LAG3: variants seen among roughly 807,000 people sequenced by gnomAD.
LAG3 encodes lymphocyte activation gene 3 protein.
A neutral mutation model predicts 49.0 loss-of-function variants in LAG3; 29 were observed. The observed-to-expected ratio is 0.59, with a 90% CI of 0.44 to 0.81. LAG3 has a LOEUF of 0.81. Ranked by LOEUF, LAG3 falls within the 30% of genes least tolerant of loss-of-function variation. The pLI is 0.00. For missense variants in LAG3, 693 were observed against 695.2 expected, an observed-to-expected ratio of 1.00 and a Z score of 0.04; for synonymous variants, 320 against 297.3, an observed-to-expected ratio of 1.08 and a Z score of -0.79.
In LAG3 at chr12:6,773,149, C is replaced by T. The variant is rs1321883113; in HGVS notation, c.59-43C>T. 11 of 1,572,364 alleles carry T rather than the reference C, an allele frequency of 7.0e-6. No individual in the cohort carries two copies. Among genetic ancestry groups the T allele is most frequent in the South Asian group, 2.3e-5 (2 of 85,462 alleles). ...AGGCTCCTTCTCTACCCCTGCCTCT[C>T]GGCTCACGCCCCCTCCCCTTGGCCT... On this transcript the variant is annotated intron_variant, in intron 1 of 7. Coordinates refer to ENST00000203629, the MANE Select transcript of LAG3 (RefSeq NM_002286.6). The surrounding 1 kb of genome is among the most constrained non-coding windows in gnomAD (Gnocchi z 5.5).
intron 4 of LAG3, 135 bp downstream of exon 4, chr12:6,774,999 G>A (rs565618870): frequency 3.7e-5 from 35 of 952,108 alleles, no homozygotes; most frequent in Middle Eastern, 2.9e-4. Flanking sequence ...CTCACTGTTC[G>A]ACCCCTTTAT....
chr12:6,774,501 G>C, intron 3 of LAG3, 94 bp from the exon 4 acceptor site: 1 of 1,402,352 alleles, frequency 7.1e-7, no homozygotes, highest in Non-Finnish European at 9.7e-7. Flanking sequence ...TCTAAAGCCA[G>C]GTGCCTGTTT....
In LAG3 at chr12:6,773,596, A is replaced by G; in HGVS notation, c.207-101A>G. ...GAGGGGACGGTTGGTGGTCAAGAGA[A>G]CTCTTGGGGCGGGCTTTCTCATCCT... On this transcript the variant is annotated intron_variant, in intron 2 of 7. Coordinates refer to ENST00000203629, the MANE Select transcript of LAG3 (RefSeq NM_002286.6). The surrounding 1 kb of genome is among the most constrained non-coding windows in gnomAD (Gnocchi z 5.5). 1 of 1,298,616 alleles carries G rather than the reference A, an allele frequency of 7.7e-7. No homozygotes were observed. The highest frequency in any genetic ancestry group is 9.9e-7 in the Non-Finnish European group (1 of 1,014,550). 80.4% of individuals were successfully genotyped at this position (1,298,616 alleles called of 1,614,324 possible).
Position 6,774,656 on chromosome 12 carries a change from C to A in LAG3, c.573C>A (p.Phe191Leu). Residue 191 changes from phenylalanine to leucine, a missense_variant, in exon 4 of 8, where the codon TTC (phenylalanine) becomes TTA (leucine). By Grantham distance (22) the Phe-to-Leu change is conservative. Coordinates refer to ENST00000203629, the MANE Select transcript of LAG3 (RefSeq NM_002286.6). ...ASDWVILNCS[F>L]SRPDRPASVH... The stretch of plus-strand genomic sequence containing the variant: ...ACTGGGTCATTTTGAACTGCTCCTT[C>A]AGCCGCCCTGACCGCCCAGCCTCTG... 1 of 1,614,156 alleles carries A rather than the reference C, an allele frequency of 6.2e-7. No individual in the cohort carries two copies. The highest frequency in any genetic ancestry group is 8.5e-7 in the Non-Finnish European group (1 of 1,180,010).
In LAG3 at chr12:6,773,673, A is replaced by T; in HGVS notation, c.207-24A>T. The stretch of plus-strand genomic sequence containing the variant: ...GGGCTTCCTACCCCTGGAGCTTCTC[A>T]ACTCCATTCTCTTTCCCGCCCAGTG... On this transcript the variant is annotated intron_variant, in intron 2 of 7. Coordinates refer to ENST00000203629, the MANE Select transcript of LAG3 (RefSeq NM_002286.6). This position sits in a 1 kb window ranked among gnomAD's most constrained non-coding sequence, Gnocchi z 5.5. The T allele has an allele frequency of 7.3e-7, 1 of 1,366,836 alleles. No individual in the cohort carries two copies. Among genetic ancestry groups the T allele is most frequent in the Non-Finnish European group, 9.4e-7 (1 of 1,067,284 alleles). 84.7% of individuals were successfully genotyped at this position (1,366,836 alleles called of 1,614,324 possible). A position where few individuals can be genotyped will look rare whatever the true frequency, so the allele number is the denominator to read the frequency against.
In LAG3 at chr12:6,773,685, T is replaced by A; in HGVS notation, c.207-12T>A. 5 of 1,357,644 alleles carry A rather than the reference T, an allele frequency of 3.7e-6. No individual in the cohort carries two copies. The highest frequency in any genetic ancestry group is 4.7e-6 in the Non-Finnish European group (5 of 1,061,666). 84.1% of individuals were successfully genotyped at this position (1,357,644 alleles called of 1,614,324 possible). Reference sequence around the variant, plus strand: ...CCTGGAGCTTCTCAACTCCATTCTCTTTCCCGCCCAGTGGCCCGCCCGCTG... The same window carrying A: ...CCTGGAGCTTCTCAACTCCATTCTCATTCCCGCCCAGTGGCCCGCCCGCTG... On this transcript the variant is annotated splice_polypyrimidine_tract_variant and intron_variant, in intron 2 of 7. Transcript: ENST00000203629. This position sits in a 1 kb window ranked among gnomAD's most constrained non-coding sequence, Gnocchi z 5.5.
chr12:6,778,383 A>G lies in LAG3; in HGVS notation c.1571A>G (p.Gln524Arg), dbSNP rs182106657. 25 of 1,609,846 alleles carry G rather than the reference A, an allele frequency of 1.6e-5. No individual in the cohort carries two copies. The Middle Eastern group carries it at 6.6e-4, about 42-fold the overall frequency. The change falls in exon 8 of 8, where the codon CAG (glutamine) becomes CGG (arginine). Residue 524 changes from glutamine to arginine, a missense_variant. Coordinates refer to ENST00000203629, the MANE Select transcript of LAG3 (RefSeq NM_002286.6). ...PEPEPEPEPE[Q>R]L Reference sequence around the variant, plus strand: ...CCCGAGCCCGAGCCCGAGCCGGAGCAGCTCTGACCTGGAGCTGAGGCAGCC... The same window carrying G: ...CCCGAGCCCGAGCCCGAGCCGGAGCGGCTCTGACCTGGAGCTGAGGCAGCC...
chr12:6,774,988 T>C lies in LAG3; in HGVS notation c.781+124T>C, dbSNP rs545299841. The C allele has an allele frequency of 4.0e-6, 4 of 1,001,606 alleles. No homozygotes were observed. In the African/African-American group the frequency reaches 6.4e-5, roughly 16 times the overall value. 62.0% of individuals were successfully genotyped at this position (1,001,606 alleles called of 1,614,324 possible). Reference sequence around the variant, plus strand: ...GAGTGGCCTACGTCATTGCTGTGGGTCTCACTGTTCGACCCCTTTATATTG... The same window carrying C: ...GAGTGGCCTACGTCATTGCTGTGGGCCTCACTGTTCGACCCCTTTATATTG... On this transcript the variant is annotated intron_variant, in intron 4 of 7. Coordinates refer to ENST00000203629, the MANE Select transcript of LAG3 (RefSeq NM_002286.6).
chr12:6,778,218 G>A, intron 7 of LAG3, 26 bp from the exon 8 acceptor site: 1 of 1,556,600 alleles, frequency 6.4e-7, no homozygotes, highest in Middle Eastern at 1.7e-4. Context: ...TCCGCCCTCC[G>A]TCTCTCTCTC....
intron 7 of LAG3, 145 bp from the exon 8 acceptor site, chr12:6,778,099 A>G: frequency 7.6e-7 from 1 of 1,309,974 alleles, no homozygotes; most frequent in Non-Finnish European, 1.1e-6. Flanking sequence ...GTAGGCTGGA[A>G]GGGGGGTTGG....
chr12:6,773,877 CG>C lies in LAG3; in HGVS notation c.391del (p.Asp131ThrfsTer41). ...VQLDERGRQR[G>X]DFSLWLRPAR... ...AGCTGGATGAGCGCGGCCGGCAGCG[CG>C]GGGACTTCTCGCTATGGCTGCGCCC... On this transcript the variant is annotated frameshift_variant, in exon 3 of 8. Transcript: ENST00000203629. LOFTEE classifies it high-confidence loss of function. This position sits in a 1 kb window ranked among gnomAD's most constrained non-coding sequence, Gnocchi z 5.5. 1.4e-6 allele frequency: 2 copies of C among 1,400,596 alleles called. No homozygotes were observed. The highest frequency in any genetic ancestry group is 1.8e-6 in the Non-Finnish European group (2 of 1,086,076). 86.8% of individuals were successfully genotyped at this position (1,400,596 alleles called of 1,614,324 possible). A position where few individuals can be genotyped will look rare whatever the true frequency, so the allele number is the denominator to read the frequency against.
intron 5 of LAG3, among the ~76,000 whole-genome samples, chr12:6,776,441 T>C (rs1165155664): frequency 6.6e-6 from 1 of 152,174 alleles, no homozygotes; most frequent in African/African-American, 2.4e-5. Context: ...CTGTTTTATG[T>C]AGACGGCTCA....
chr12:6,774,629 C>A lies in LAG3; in HGVS notation c.546C>A (p.Ser182=), dbSNP rs144531502. 148 of 1,613,998 alleles carry A rather than the reference C, an allele frequency of 9.2e-5. 2 individuals carry two copies. Among genetic ancestry groups the A allele is most frequent in the Non-Finnish European group, 1.1e-5 (13 of 1,180,012 alleles). The change falls in exon 4 of 8, where the codon TCC becomes TCA. Residue 182 remains serine, a synonymous_variant. Transcript: ENST00000203629. ...TASPPGSLRA[S]DWVILNCSFS... is the part of the protein sequence containing the mutation. The stretch of plus-strand genomic sequence containing the variant: ...GCCCCCCAGGATCTCTCAGAGCCTC[C>A]GACTGGGTCATTTTGAACTGCTCCT...
At position 6,777,885 on chromosome 12, in the gene LAG3, G is replaced by T; in HGVS notation, c.1395G>T (p.Val465=). ...ILGVLSLLLL[V]TGAFGFHLWR... is the part of the protein sequence containing the mutation. ...GTGTCCTTTCTCTGCTCCTTTTGGTGACTGGAGCCTTTGGCTTTCACCTTT... is the reference window on the plus strand; with the variant it reads ...GTGTCCTTTCTCTGCTCCTTTTGGTTACTGGAGCCTTTGGCTTTCACCTTT... Residue 465 remains valine, a synonymous_variant, in exon 7 of 8, where the codon GTG becomes GTT. Transcript: ENST00000203629. 1.2e-6 allele frequency: 2 copies of T among 1,613,828 alleles called. No individual in the cohort carries two copies. Among genetic ancestry groups the T allele is most frequent in the Non-Finnish European group, 1.7e-6 (2 of 1,179,960 alleles).
At position 6,777,945 on chromosome 12, in the gene LAG3, C is replaced by T. The variant is rs77454572; in HGVS notation, c.1431+24C>T. 3,889 of 1,611,396 alleles carry T rather than the reference C, an allele frequency of 2.4e-3. 68 individuals carry two copies. In the African/African-American group the frequency reaches 0.037, roughly 15 times the overall value. On this transcript the variant is annotated intron_variant, in intron 7 of 7. Transcript: ENST00000203629. ...AGGTGAGCCAGGGACATGGCAACCC[C>T]GCCCCCCAGCAGCTCCCGCTCTTCC...
At position 6,773,727 on chromosome 12, in the gene LAG3, C is replaced by A. The variant is rs1941869794; in HGVS notation, c.237C>A (p.Pro79=). 7.4e-7 allele frequency: 1 copy of A among 1,345,498 alleles called. No individual in the cohort carries two copies. The highest frequency in any genetic ancestry group is 3.0e-5 in the East Asian group (1 of 33,644). The allele number at this position is 1,345,498 out of a possible 1,614,324, so 83.3% of individuals were successfully genotyped here. A position where few individuals can be genotyped will look rare whatever the true frequency, so the allele number is the denominator to read the frequency against. The change falls in exon 3 of 8, where the codon CCC becomes CCA. Residue 79 remains proline (P), a synonymous_variant. Transcript: ENST00000203629. The surrounding 1 kb of genome is among the most constrained non-coding windows in gnomAD (Gnocchi z 5.5). ...SGPPAAAPGH[P]LAPGPHPAAP... ...CGCCCGCTGCCGCCCCCGGCCATCC[C>A]CTGGCCCCCGGCCCTCACCCGGCGG...
intron 5 of LAG3, among the ~76,000 whole-genome samples, chr12:6,776,897 G>A (rs561631850): frequency 1.3e-5 from 2 of 152,150 alleles, no homozygotes; most frequent in African/African-American, 4.8e-5. Context: ...TAGGGAGCCT[G>A]GAAATGTTTT....
intron 5 of LAG3, 163 bp downstream of exon 5, chr12:6,775,711 T>A: frequency 4.6e-6 from 3 of 650,866 alleles, no homozygotes; most frequent in East Asian, 2.8e-5. Context: ...CTCACCCCCA[T>A]AATAAAGAAA....
At position 6,777,842 on chromosome 12, in the gene LAG3, T is replaced by A; in HGVS notation, c.1352T>A (p.Leu451Gln). Residue 451 changes from leucine (L) to glutamine (Q), a missense_variant, in exon 7 of 8, where the codon CTG becomes CAG. Physicochemically the swap from Leu to Gln is moderately radical, Grantham distance 113. Transcript: ENST00000203629. ...GGTGCCCTCCCAGCAGGCCACCTCC[T>A]GCTGTTTCTCATCCTTGGTGTCCTT... Reference protein sequence around the residue: ...APGALPAGHLLLFLILGVLSL... With the variant: ...APGALPAGHLQLFLILGVLSL... The A allele has an allele frequency of 6.2e-7, 1 of 1,613,868 alleles. No individual in the cohort carries two copies. Among genetic ancestry groups the A allele is most frequent in the Non-Finnish European group, 8.5e-7 (1 of 1,179,920 alleles).
Sources: allele counts gnomAD v4.1 joint callset (sites outside exome capture counted in the v4.1 genomes callset), GRCh38; gene constraint gnomAD v4.1.1; non-coding constraint Gnocchi (gnomAD v3.1); transcripts MANE v1.5; gene names NCBI Gene and HGNC (gene_info 2026-07-23, HGNC 2026-07-21).